PRMT3: variants seen among roughly 807,000 people sequenced by gnomAD.
The protein encoded by PRMT3 is protein arginine methyltransferase 3.
Under a neutral mutation model 71.9 loss-of-function variants are expected in PRMT3, and 62 were observed. The observed-to-expected ratio is 0.86, with a 90% CI of 0.70 to 1.07. PRMT3 has a LOEUF of 1.07. PRMT3 is among the 50% of genes least tolerant of loss of function. The probability of loss-of-function intolerance (pLI) is 0.00; values close to 1 mark genes in which losing one functional copy is unlikely to be tolerated. For synonymous variants in PRMT3, 213 were observed against 220.4 expected, an observed-to-expected ratio of 0.97 and a Z score of 0.30; for missense variants, 663 against 643.0, an observed-to-expected ratio of 1.03 and a Z score of -0.34.
intron 9 of PRMT3, among the ~76,000 whole-genome samples, chr11:20,415,306 A>G (rs541480183): frequency 4.6e-5 from 7 of 152,102 alleles, no homozygotes; most frequent in Non-Finnish European, 7.4e-5. Flanking sequence ...CCTTCCTAGT[A>G]TACCCCGAAA....
chr11:20,499,576 A>C (rs890217068), intron 15 of PRMT3, among the ~76,000 whole-genome samples: 2 of 152,176 alleles, frequency 1.3e-5, no homozygotes, highest in Non-Finnish European at 2.9e-5. Context: ...GTGGTGAGCT[A>C]TGATTGCATT....
intron 10 of PRMT3, among the ~76,000 whole-genome samples, chr11:20,430,530 A>G (rs80061484): frequency 0.027 from 4,099 of 152,308 alleles, 90 homozygotes; most frequent in Non-Finnish European, 0.039. Flanking sequence ...GGCTTGCATT[A>G]ACAAATTTCC....
At chr11:20,504,707 T>TGTGTGTGTGAGAGAGAGAGA (rs1332372470) in intron 15 of PRMT3, among the ~76,000 whole-genome samples, 16 of 133,588 alleles carry the variant, frequency 1.2e-4, no homozygotes, top group African/African-American at 4.8e-4. Context: ...TGTGTGTGTG[T>TGTGTGTGTGAGAGAGAGAGA]GAGAGAGAGA....
At chr11:20,428,182 C>T (rs1378926030) in intron 10 of PRMT3, among the ~76,000 whole-genome samples, 1 of 151,910 alleles carries the variant, frequency 6.6e-6, no homozygotes, top group South Asian at 2.1e-4. Flanking sequence ...TCTGATTTCT[C>T]ATGAATTGAA....
intron 3 of PRMT3, among the ~76,000 whole-genome samples, chr11:20,390,424 G>A (rs1212512868): frequency 6.6e-6 from 1 of 152,218 alleles, no homozygotes; most frequent in African/African-American, 2.4e-5. Flanking sequence ...TTTAGGGAGA[G>A]CAAGTGTAGA....
intron 10 of PRMT3, among the ~76,000 whole-genome samples, chr11:20,431,040 A>G (rs1849643875): frequency 6.6e-6 from 1 of 152,146 alleles, no homozygotes; most frequent in Non-Finnish European, 1.5e-5. Context: ...AGTAAGCCAA[A>G]TTGACTCATT....
At position 20,397,603 on chromosome 11, in the gene PRMT3, A is replaced by G; in HGVS notation, c.587A>G (p.His196Arg). 6.2e-7 allele frequency: 1 copy of G among 1,614,132 alleles called. No homozygotes were observed. The highest frequency in any genetic ancestry group is 8.5e-7 in the Non-Finnish European group (1 of 1,180,028). ...MKQFAQDFVM[H>R]TDVRTCSSST... ...CAATTTGCTCAGGATTTTGTGATGC[A>G]CACAGATGTCAGAACCTGCTCGTCA... Residue 196 changes from histidine (H) to arginine (R), a missense_variant, in exon 7 of 16, where the codon CAC becomes CGC. Physicochemically the swap from His to Arg is conservative, Grantham distance 29. Coordinates refer to ENST00000331079, the MANE Select transcript of PRMT3 (RefSeq NM_005788.4).
At chr11:20,415,011 GGTA>G (rs1849271012) in intron 9 of PRMT3, among the ~76,000 whole-genome samples, 2 of 126,914 alleles carry the variant, frequency 1.6e-5, no homozygotes, top group Non-Finnish European at 3.3e-5. Context: ...CAGTGGTGGT[GGTA>G]GTGGTGTGTG....
chr11:20,480,354 C>A (rs1565231631), intron 13 of PRMT3, among the ~76,000 whole-genome samples: 1 of 152,164 alleles, frequency 6.6e-6, no homozygotes, highest in Non-Finnish European at 1.5e-5. Flanking sequence ...AGCTAGATAT[C>A]TGTTTTTTTG....
intron 12 of PRMT3, among the ~76,000 whole-genome samples, chr11:20,463,879 G>A (rs762635061): frequency 1.2e-5 from 1 of 83,886 alleles, no homozygotes; most frequent in African/African-American, 3.6e-5. Flanking sequence ...AAGATATTTC[G>A]CTATTTTTTC....
At chr11:20,472,273 G>A (rs1429501383) in intron 13 of PRMT3, among the ~76,000 whole-genome samples, 3 of 152,150 alleles carry the variant, frequency 2.0e-5, no homozygotes, top group Non-Finnish European at 4.4e-5. Context: ...TCCTTGTCTT[G>A]TGCCTGTTTT....
intron 10 of PRMT3, among the ~76,000 whole-genome samples, chr11:20,432,867 A>G (rs1384009554): frequency 6.6e-6 from 1 of 151,946 alleles, no homozygotes; most frequent in Non-Finnish European, 1.5e-5. Context: ...AGAGATGTCT[A>G]TTCAGTTTAT....
At chr11:20,488,348 C>G (rs1051264021) in intron 13 of PRMT3, among the ~76,000 whole-genome samples, 2 of 152,126 alleles carry the variant, frequency 1.3e-5, no homozygotes, top group Non-Finnish European at 2.9e-5. Context: ...TAAGCTATAA[C>G]AGTCATTTTT....
chr11:20,397,462 T>A, intron 6 of PRMT3, 115 bp from the exon 7 acceptor site: 2 of 997,608 alleles, frequency 2.0e-6, no homozygotes, highest in Non-Finnish European at 3.0e-6. Context: ...AGAATGTGAT[T>A]TAGAAGACTC....
intron 10 of PRMT3, among the ~76,000 whole-genome samples, 192 bp from the exon 11 acceptor site, chr11:20,451,938 C>A (rs1850158552): frequency 6.6e-6 from 1 of 152,012 alleles, no homozygotes; most frequent in Non-Finnish European, 1.5e-5. Context: ...TTTCTGGGTT[C>A]ACTTTATAAG....
intron 11 of PRMT3, among the ~76,000 whole-genome samples, chr11:20,453,974 C>G (rs115829615): frequency 6.6e-6 from 1 of 152,120 alleles, no homozygotes; most frequent in Non-Finnish European, 1.5e-5. Context: ...ATTAGGGATA[C>G]ATAAACTGTA....
chr11:20,504,741 A>AGAGAGAGAGC (rs1565243517), intron 15 of PRMT3, among the ~76,000 whole-genome samples: 10 of 137,728 alleles, frequency 7.3e-5, no homozygotes, highest in East Asian at 4.1e-4. Context: ...AGAGAGAGAG[A>AGAGAGAGAGC]GAGAGCGAGA....
chr11:20,414,049 T>C (rs1168722448), intron 9 of PRMT3, among the ~76,000 whole-genome samples: 1 of 152,166 alleles, frequency 6.6e-6, no homozygotes, highest in Non-Finnish European at 1.5e-5. Flanking sequence ...CACGTGCAAC[T>C]TAACAATTCT....
At chr11:20,474,152 A>G (rs528366818) in intron 13 of PRMT3, among the ~76,000 whole-genome samples, 1 of 152,164 alleles carries the variant, frequency 6.6e-6, no homozygotes, top group South Asian at 2.1e-4. Flanking sequence ...GGTGTCACCC[A>G]GGTAGCAGGA....
Sources: gnomAD v4.1 joint callset for allele counts (sites outside exome capture counted in the v4.1 genomes callset) on GRCh38, gnomAD v4.1.1 for gene constraint, MANE v1.5 for transcripts, NCBI Gene and HGNC (gene_info 2026-07-23, HGNC 2026-07-21) for gene names.